KCNK12: variants seen among roughly 807,000 people sequenced by gnomAD.
The protein encoded by KCNK12 is potassium channel subfamily K member 12.
Under a neutral mutation model 25.3 loss-of-function variants are expected in KCNK12, and 6 were observed. The ratio of observed to expected loss-of-function variants is 0.24; its 90% confidence interval spans 0.13 to 0.47. The LOEUF is 0.47. Ranked by LOEUF, KCNK12 falls within the 20% of genes least tolerant of loss-of-function variation. The pLI is 0.99. For missense variants in KCNK12, 444 were observed against 661.7 expected (o/e 0.67, Z 3.61); for synonymous variants, 331 against 311.1 (o/e 1.06, Z -0.67).
rs1383541427 is a variant in KCNK12, at chr2:47,565,657, T to A, written c.391+4284A>T. On this transcript the variant is annotated intron_variant, in intron 1 of 1. Transcript: ENST00000327876. The surrounding 1 kb of genome is among the most constrained non-coding windows in gnomAD (Gnocchi z 5.0). ...ATGTGTAAATCTGACAGCAGATGCA[T>A]AATTAAAACCCCAGTGGAGAGTTTC... is the stretch of plus-strand genomic sequence containing the variant. 1 of 152,264 alleles carries A rather than the reference T, an allele frequency of 6.6e-6. No homozygotes were observed. The allele number at this position is 152,264 out of a possible 1,614,324, so 9.4% of individuals were successfully genotyped here.
rs1669852445 is a variant in KCNK12 at position 47,569,842 on chromosome 2, A to T, written c.391+99T>A. 2 of 982,140 alleles carry T rather than the reference A, an allele frequency of 2.0e-6. No individual in the cohort carries two copies. The highest frequency in any genetic ancestry group is 2.7e-6 in the Non-Finnish European group (2 of 741,598). The allele number at this position is 982,140 out of a possible 1,614,324, so 60.8% of individuals were successfully genotyped here. ...GTAAGCAAAGGGACATTAGAAGGGA[A>T]GGCAGAGCCGAGGGACGCGGACCGA... On this transcript the variant is annotated intron_variant, in intron 1 of 1. Coordinates refer to ENST00000327876, the MANE Select transcript of KCNK12 (RefSeq NM_022055.2). The surrounding 1 kb of genome is among the most constrained non-coding windows in gnomAD (Gnocchi z 4.1).
intron 1 of KCNK12, among the ~76,000 whole-genome samples, chr2:47,544,325 G>A (rs937702315): frequency 2.0e-5 from 3 of 152,204 alleles, no homozygotes; most frequent in Admixed American, 6.5e-5. Flanking sequence ...CTCCAGCAAG[G>A]CCTCATAACC....
rs1409882164 is a variant in KCNK12, at chr2:47,509,290, T to C, written c.*11617A>G. Among the ~76,000 whole-genome samples the C allele has an allele frequency of 6.6e-6, 1 of 152,118 alleles. No homozygotes were observed. The highest frequency in any genetic ancestry group is 1.9e-4 in the East Asian group (1 of 5,196). ...AATAAAGGCCATTAAAGACCAAACA[T>C]TGAGCACTGAGTGAAAAAGTTTTAT... On this transcript the variant is annotated 3_prime_UTR_variant, in exon 2 of 2. Coordinates refer to ENST00000327876, the MANE Select transcript of KCNK12 (RefSeq NM_022055.2).
Position 47,520,664 on chromosome 2 carries a change from C to G in KCNK12, c.*243G>C, listed in dbSNP as rs1433923593. On this transcript the variant is annotated 3_prime_UTR_variant, in exon 2 of 2. Transcript: ENST00000327876. This position sits in a 1 kb window ranked among gnomAD's most constrained non-coding sequence, Gnocchi z 5.0. ...GCCTGGGGGGCCACGTTTTCTCTCC[C>G]TGAAGGAGAATCTGCTGGGGGCCAC... 5.3e-6 allele frequency: 2 copies of G among 374,002 alleles called. No homozygotes were observed. Among genetic ancestry groups the G allele is most frequent in the African/African-American group, 4.2e-5 (2 of 48,060 alleles). The allele number at this position is 374,002 out of a possible 1,614,324, so 23.2% of individuals were successfully genotyped here. A position where few individuals can be genotyped will look rare whatever the true frequency, so the allele number is the denominator to read the frequency against.
intron 1 of KCNK12, among the ~76,000 whole-genome samples, chr2:47,526,406 A>G (rs76124862): frequency 1.1e-4 from 10 of 88,120 alleles, no homozygotes; most frequent in African/African-American, 4.5e-4. Flanking sequence ...ACTCCCTCAG[A>G]AAAAAAAAAA....
At position 47,547,970 on chromosome 2, in the gene KCNK12, G is replaced by A. The variant is rs1349452374; in HGVS notation, c.391+21971C>T. On this transcript the variant is annotated intron_variant, in intron 1 of 1. Coordinates refer to ENST00000327876, the MANE Select transcript of KCNK12 (RefSeq NM_022055.2). The surrounding 1 kb of genome is among the most constrained non-coding windows in gnomAD (Gnocchi z 5.0). Reference sequence around the variant, plus strand: ...GGGAAGTGATTGGAACATGGGGGTGGATTTCCCCCTTGCCGTTCTCATGAT... The same window carrying A: ...GGGAAGTGATTGGAACATGGGGGTGAATTTCCCCCTTGCCGTTCTCATGAT... 6.6e-6 allele frequency among the ~76,000 whole-genome samples: 1 copy of A among 152,110 alleles called. No homozygotes were observed. Among genetic ancestry groups the A allele is most frequent in the African/African-American group, 2.4e-5 (1 of 41,418 alleles).
intron 1 of KCNK12, among the ~76,000 whole-genome samples, chr2:47,549,583 CATA>C (rs987567406): frequency 6.6e-6 from 1 of 152,064 alleles, no homozygotes; most frequent in African/African-American, 2.4e-5. Context: ...AAAGGAGAAA[CATA>C]ATGATGAGAA....
At chr2:47,552,055 T>G (rs1669445692) in intron 1 of KCNK12, among the ~76,000 whole-genome samples, 1 of 152,256 alleles carries the variant, frequency 6.6e-6, no homozygotes, top group African/African-American at 2.4e-5. Context: ...ATAGAATTTA[T>G]CAGCGTGCTG....
At chr2:47,549,531 A>G (rs1450839824) in intron 1 of KCNK12, among the ~76,000 whole-genome samples, 1 of 152,286 alleles carries the variant, frequency 6.6e-6, no homozygotes, top group Non-Finnish European at 1.5e-5. Context: ...TAGCAAAGGC[A>G]TTTAAATACC....
chr2:47,558,121 T>C (rs1882448), intron 1 of KCNK12, among the ~76,000 whole-genome samples: 131,442 of 152,234 alleles, frequency 0.86, 57,202 homozygotes, highest in East Asian at 1. Context: ...ACATTGATTC[T>C]GAAAATATTT....
intron 1 of KCNK12, among the ~76,000 whole-genome samples, chr2:47,537,426 G>A (rs554421788): frequency 6.6e-6 from 1 of 151,970 alleles, no homozygotes; most frequent in Non-Finnish European, 1.5e-5. Flanking sequence ...CGCCTCCCGG[G>A]TTCAAGTGAT....
In KCNK12 at chr2:47,512,586, C is replaced by A; in HGVS notation, c.*8321G>T. Reference sequence around the variant, plus strand: ...AACTTTCTCTGCCCAGATTCCAGGACTTACAGTGAGAAAGCGCCTTCTGGG... The same window carrying A: ...AACTTTCTCTGCCCAGATTCCAGGAATTACAGTGAGAAAGCGCCTTCTGGG... On this transcript the variant is annotated 3_prime_UTR_variant, in exon 2 of 2. Coordinates refer to ENST00000327876, the MANE Select transcript of KCNK12 (RefSeq NM_022055.2). 1 of 877,094 alleles carries A rather than the reference C, an allele frequency of 1.1e-6. No homozygotes were observed. Among genetic ancestry groups the A allele is most frequent in the Non-Finnish European group, 1.7e-6 (1 of 590,090 alleles). The allele number at this position is 877,094 out of a possible 1,614,324, so 54.3% of individuals were successfully genotyped here. A position where few individuals can be genotyped will look rare whatever the true frequency, so the allele number is the denominator to read the frequency against.
chr2:47,567,767 AG>A (rs1303802549), intron 1 of KCNK12, among the ~76,000 whole-genome samples: 2 of 152,214 alleles, frequency 1.3e-5, no homozygotes, highest in Non-Finnish European at 2.9e-5. Context: ...GCTTCAGTGT[AG>A]CCCTCCTACA....
rs1668985698 is a variant in KCNK12 at position 47,533,600 on chromosome 2, C to T, written c.392-11792G>A. On this transcript the variant is annotated intron_variant, in intron 1 of 1. Transcript: ENST00000327876. The surrounding 1 kb of genome is among the most constrained non-coding windows in gnomAD (Gnocchi z 4.7). The stretch of plus-strand genomic sequence containing the variant: ...TCGCCGTTCTCCTACCTCGCTGGGC[C>T]TCCATCTCCCCACCTCTGGCTCACT... 6.6e-6 allele frequency among the ~76,000 whole-genome samples: 1 copy of T among 152,218 alleles called. No individual in the cohort carries two copies. Among genetic ancestry groups the T allele is most frequent in the Non-Finnish European group, 1.5e-5 (1 of 68,026 alleles).
chr2:47,521,873 G>T, intron 1 of KCNK12, 65 bp from the exon 2 acceptor site: 2 of 1,275,382 alleles, frequency 1.6e-6, no homozygotes, highest in Non-Finnish European at 2.1e-6. Flanking sequence ...GGGCGAGGGT[G>T]GGGGGTGTGG....
intron 1 of KCNK12, among the ~76,000 whole-genome samples, chr2:47,553,504 G>C (rs749379490): frequency 1.3e-4 from 20 of 152,166 alleles, no homozygotes; most frequent in South Asian, 1.0e-3. Flanking sequence ...ATAATGGCCT[G>C]ATTTAATGTT....
rs375760422 is a variant in KCNK12, at chr2:47,570,212, C to T, written c.120G>A (p.Val40=). The change falls in exon 1 of 2, where the codon GTG becomes GTA. Residue 40 remains valine (V), a synonymous_variant. Transcript: ENST00000327876. The stretch of plus-strand genomic sequence containing the variant: ...AGAGGCCGATGAGCGCCGCCAGCAG[C>T]ACGAAGCGGCCGGTGTCCTCGTTGA... ...SHLNEDTGRF[V]LLAALIGLYL... 1.1e-3 allele frequency: 1,593 copies of T among 1,494,434 alleles called. 1 individual carries two copies. The highest frequency in any genetic ancestry group is 1.3e-3 in the Non-Finnish European group (1,481 of 1,126,032). The allele number at this position is 1,494,434 out of a possible 1,614,324, so 92.6% of individuals were successfully genotyped here.
chr2:47,538,024 A>G lies in KCNK12; in HGVS notation c.392-16216T>C, dbSNP rs745669289. ...AGACTTTCCAGGGAGCACGTGTGGT[A>G]TGAGAATGAAGGCCCCTGAGGAACT... On this transcript the variant is annotated intron_variant, in intron 1 of 1. Transcript: ENST00000327876. The surrounding 1 kb of genome is among the most constrained non-coding windows in gnomAD (Gnocchi z 4.5). Among the ~76,000 whole-genome samples, 5 of 152,202 alleles carry G rather than the reference A, an allele frequency of 3.3e-5. No homozygotes were observed. Among genetic ancestry groups the G allele is most frequent in the Non-Finnish European group, 7.3e-5 (5 of 68,038 alleles).
rs1408634652 is a variant in KCNK12 at position 47,547,225 on chromosome 2, T to C, written c.391+22716A>G. 6.6e-6 allele frequency among the ~76,000 whole-genome samples: 1 copy of C among 152,222 alleles called. No homozygotes were observed. Among genetic ancestry groups the C allele is most frequent in the African/African-American group, 2.4e-5 (1 of 41,460 alleles). On this transcript the variant is annotated intron_variant, in intron 1 of 1. Coordinates refer to ENST00000327876, the MANE Select transcript of KCNK12 (RefSeq NM_022055.2). This position sits in a 1 kb window ranked among gnomAD's most constrained non-coding sequence, Gnocchi z 5.0. ...CTCAATCTTCAGATCTCTTCTTTTC[T>C]GGCTCCCACGAACACGCCCTGGGAC... is the stretch of plus-strand genomic sequence containing the variant.
Sources: allele counts gnomAD v4.1 joint callset (sites outside exome capture counted in the v4.1 genomes callset), GRCh38; gene constraint gnomAD v4.1.1; non-coding constraint Gnocchi (gnomAD v3.1); transcripts MANE v1.5; gene names NCBI Gene and HGNC (gene_info 2026-07-23, HGNC 2026-07-21).